Variants in LRRIQ3 observed in about 807,000 individuals in gnomAD.
LRRIQ3 encodes the protein leucine rich repeats and IQ motif containing 3.
A neutral mutation model predicts 59.3 loss-of-function variants in LRRIQ3; 75 were observed. That is an observed-to-expected ratio of 1.26 (90% confidence interval 1.05 to 1.53). The LOEUF is 1.53. Ranked by LOEUF, LRRIQ3 falls within the 40% of genes most tolerant of loss-of-function variation. LRRIQ3 has a pLI of 0.00. For synonymous variants in LRRIQ3, 250 were observed against 231.3 expected (o/e 1.08, Z -0.73); for missense variants, 831 against 710.0 (o/e 1.17, Z -1.94).
At chr1:74,029,907 T>C (rs1653645963) in intron 7 of LRRIQ3, among the ~76,000 whole-genome samples, 1 of 152,114 alleles carries the variant, frequency 6.6e-6, no homozygotes, top group Non-Finnish European at 1.5e-5. Context: ...AGATTCAACT[T>C]CTTCCTAGTT....
chr1:74,173,980 G>C (rs1217647225), intron 3 of LRRIQ3, among the ~76,000 whole-genome samples: 1 of 152,076 alleles, frequency 6.6e-6, no homozygotes. Context: ...CAAGGTTTCT[G>C]ATGTATCTTG....
chr1:74,084,231 A>G (rs1352234750), intron 5 of LRRIQ3: 1 of 1,543,060 alleles, frequency 6.5e-7, no homozygotes, highest in Non-Finnish European at 8.8e-7. Context: ...AGAAAAATAC[A>G]GTAATAAAGT....
intron 4 of LRRIQ3, among the ~76,000 whole-genome samples, chr1:74,148,682 C>A (rs1647731512): frequency 6.6e-6 from 1 of 152,160 alleles, no homozygotes; most frequent in Non-Finnish European, 1.5e-5. Context: ...AACGTTAGAT[C>A]CATCTAGATA....
chr1:74,076,031 G>A (rs973380000), intron 5 of LRRIQ3, among the ~76,000 whole-genome samples: 3 of 152,124 alleles, frequency 2.0e-5, no homozygotes, highest in African/African-American at 4.8e-5. Context: ...AAAGAATAAC[G>A]TATTTTGCTA....
At chr1:74,110,388 C>A (rs7539146) in intron 4 of LRRIQ3, among the ~76,000 whole-genome samples, 47,522 of 151,744 alleles carry the variant, frequency 0.31, 9,286 homozygotes, top group East Asian at 0.77. Flanking sequence ...ACACTATGAT[C>A]ATGTATTGTA....
intron 7 of LRRIQ3, among the ~76,000 whole-genome samples, chr1:74,040,633 A>G (rs567147470): frequency 6.6e-6 from 1 of 152,306 alleles, no homozygotes; most frequent in East Asian, 1.9e-4. Context: ...CAGGATTAAG[A>G]CACTCACTCA....
intron 3 of LRRIQ3, among the ~76,000 whole-genome samples, chr1:74,156,221 C>T (rs903344001): frequency 1.3e-5 from 2 of 152,084 alleles, no homozygotes; most frequent in South Asian, 4.1e-4. Context: ...CCCTCTCTCA[C>T]CATGTGACTT....
chr1:74,060,241 T>C (rs1654677181), intron 6 of LRRIQ3, among the ~76,000 whole-genome samples: 3 of 145,636 alleles, frequency 2.1e-5, no homozygotes, highest in Non-Finnish European at 4.5e-5. Context: ...TTCTTCTTCT[T>C]CTTCTTCTTC....
At chr1:74,129,274 C>T (rs1343717673) in intron 4 of LRRIQ3, among the ~76,000 whole-genome samples, 1 of 152,000 alleles carries the variant, frequency 6.6e-6, no homozygotes, top group Non-Finnish European at 1.5e-5. Flanking sequence ...CTTTAGGAAT[C>T]TACCTGTCAC....
chr1:74,045,650 A>T (rs1284861285), intron 6 of LRRIQ3, among the ~76,000 whole-genome samples: 1 of 152,206 alleles, frequency 6.6e-6, no homozygotes, highest in East Asian at 1.9e-4. Flanking sequence ...GTATTCAAGT[A>T]GGAAAAGAGG....
intron 4 of LRRIQ3, among the ~76,000 whole-genome samples, chr1:74,118,610 T>G (rs1646810201): frequency 2.0e-5 from 3 of 152,008 alleles, no homozygotes. Flanking sequence ...AGTATAAGTT[T>G]CAAGAACGGT....
intron 6 of LRRIQ3, among the ~76,000 whole-genome samples, chr1:74,070,318 C>A (rs1313304063): frequency 1.3e-5 from 2 of 152,032 alleles, no homozygotes; most frequent in Non-Finnish European, 2.9e-5. Context: ...AGATAATGTT[C>A]TTTGCAGCAA....
intron 1 of LRRIQ3, among the ~76,000 whole-genome samples, chr1:74,188,916 A>C (rs1255602704): frequency 6.6e-6 from 1 of 152,184 alleles, no homozygotes; most frequent in Non-Finnish European, 1.5e-5. Flanking sequence ...GCAAAACAAC[A>C]AAAAAGGTTT....
intron 3 of LRRIQ3, among the ~76,000 whole-genome samples, chr1:74,160,394 C>T (rs2100677902): frequency 6.6e-6 from 1 of 152,122 alleles, no homozygotes; most frequent in African/African-American, 2.4e-5. Flanking sequence ...ATAAATACTT[C>T]TGCATTTTTT....
chr1:74,180,805 A>G, intron 3 of LRRIQ3: 2 of 1,548,868 alleles, frequency 1.3e-6, no homozygotes, highest in Non-Finnish European at 1.7e-6. Flanking sequence ...TTCCACATCC[A>G]AGGAAACAAT....
intron 6 of LRRIQ3, among the ~76,000 whole-genome samples, chr1:74,067,241 C>A (rs1654892052): frequency 6.6e-6 from 1 of 152,074 alleles, no homozygotes; most frequent in Non-Finnish European, 1.5e-5. Flanking sequence ...CTGCCTTCTG[C>A]CCCACCCATT....
intron 6 of LRRIQ3, among the ~76,000 whole-genome samples, chr1:74,049,214 A>G (rs1464181919): frequency 6.6e-6 from 1 of 152,206 alleles, no homozygotes; most frequent in Non-Finnish European, 1.5e-5. Flanking sequence ...GTGGTGCTGG[A>G]GACGCTCACA....
At position 74,084,661 on chromosome 1, in the gene LRRIQ3, T is replaced by G. The variant is rs187742010; in HGVS notation, c.868-9871A>C. On this transcript the variant is annotated intron_variant, in intron 5 of 7. Coordinates refer to ENST00000354431, the MANE Select transcript of LRRIQ3 (RefSeq NM_001105659.2). The stretch of plus-strand genomic sequence containing the variant: ...CAAGATAATACCAGAATTCTAAGAA[T>G]TAAGGGGAAAATGACTTGGCATACT... Among the ~76,000 whole-genome samples the G allele has an allele frequency of 2.0e-5, 3 of 151,772 alleles. No homozygotes were observed. The Admixed American group carries it at 2.0e-4, about 10-fold the overall frequency.
chr1:74,138,256 A>T (rs1323500037), intron 4 of LRRIQ3, among the ~76,000 whole-genome samples: 1 of 151,952 alleles, frequency 6.6e-6, no homozygotes, highest in Non-Finnish European at 1.5e-5. Flanking sequence ...AGGTCAGTAC[A>T]GATAAGCATA....
Sources: gnomAD v4.1 joint callset for allele counts (sites outside exome capture counted in the v4.1 genomes callset) on GRCh38, gnomAD v4.1.1 for gene constraint, MANE v1.5 for transcripts, NCBI Gene and HGNC (gene_info 2026-07-23, HGNC 2026-07-21) for gene names.